IQCM: variants seen among roughly 807,000 people sequenced by gnomAD.
The protein encoded by IQCM is IQ motif containing M, also known as IQ domain-containing protein M.
Under a neutral mutation model 57.6 loss-of-function variants are expected in IQCM, and 45 were observed. The observed-to-expected ratio is 0.78, with a 90% confidence interval of 0.62 to 1.00. The LOEUF (loss-of-function observed/expected upper bound fraction) is 1.00, where lower values mean the gene tolerates loss of function less well. IQCM is among the 50% of genes least tolerant of loss of function. The pLI is 0.00. For synonymous variants in IQCM, 148 were observed against 158.9 expected, an observed-to-expected ratio of 0.93 and a Z score of 0.51; for missense variants, 468 against 511.6, an observed-to-expected ratio of 0.91 and a Z score of 0.82.
At chr4:149,433,991 T>C (rs995480675) in intron 12 of IQCM, among the ~76,000 whole-genome samples, 2 of 152,122 alleles carry the variant, frequency 1.3e-5, no homozygotes, top group African/African-American at 4.8e-5. Context: ...GGCTATGGTT[T>C]TTAAGAAAAT....
chr4:149,556,288 A>G (rs1749570017), intron 10 of IQCM, among the ~76,000 whole-genome samples: 1 of 151,212 alleles, frequency 6.6e-6, no homozygotes, highest in Admixed American at 6.6e-5. Context: ...TTTTTGCTTG[A>G]TATGGTCATG....
rs181823303 is a variant in IQCM at position 149,372,658 on chromosome 4, A to C, written c.1391-20592T>G. On this transcript the variant is annotated intron_variant, in intron 13 of 13. Transcript: ENST00000636793. The stretch of plus-strand genomic sequence containing the variant: ...TTCATTAAACTGAGCAATGCTTCAA[A>C]GTGAGGACTGTTTCTTAAGTTTTCC... 3.9e-5 allele frequency among the ~76,000 whole-genome samples: 6 copies of C among 152,264 alleles called. No individual in the cohort carries two copies. In the East Asian group the frequency reaches 1.2e-3, roughly 29 times the overall value.
chr4:149,633,674 T>C (rs1757483151), intron 7 of IQCM, among the ~76,000 whole-genome samples: 1 of 151,852 alleles, frequency 6.6e-6, no homozygotes, highest in African/African-American at 2.4e-5. Flanking sequence ...CAATCTACTT[T>C]ACTGGTCTTA....
intron 9 of IQCM, 29 bp from the exon 10 acceptor site, chr4:149,563,919 CATA>C: frequency 9.3e-7 from 1 of 1,072,930 alleles, no homozygotes; most frequent in Non-Finnish European, 1.2e-6. Flanking sequence ...TCTTATTATA[CATA>C]ATATGAAAAA....
At chr4:149,449,803 A>G (rs911601368) in intron 12 of IQCM, among the ~76,000 whole-genome samples, 8 of 151,896 alleles carry the variant, frequency 5.3e-5, no homozygotes, top group Non-Finnish European at 8.8e-5. Context: ...ACAGATTTCA[A>G]TGCAATCCCT....
chr4:149,387,344 A>C (rs1051180095), intron 13 of IQCM, among the ~76,000 whole-genome samples: 1 of 152,036 alleles, frequency 6.6e-6, no homozygotes, highest in Admixed American at 6.6e-5. Context: ...GGATTTCAAC[A>C]TATGAATTTT....
chr4:149,586,736 T>C (rs1270397252), intron 9 of IQCM, among the ~76,000 whole-genome samples: 1 of 151,788 alleles, frequency 6.6e-6, no homozygotes, highest in African/African-American at 2.4e-5. Context: ...ATCTGCTATA[T>C]GTAGAATTTT....
At chr4:149,811,678 T>C (rs1053719192) in intron 2 of IQCM, among the ~76,000 whole-genome samples, 1 of 152,166 alleles carries the variant, frequency 6.6e-6, no homozygotes, top group African/African-American at 2.4e-5. Context: ...GTGAACCCAC[T>C]TCAGTGCTCT....
In IQCM at chr4:149,503,597, T is replaced by C. The variant is rs200829228; in HGVS notation, c.1228+44858A>G. Among the ~76,000 whole-genome samples the C allele has an allele frequency of 4.6e-5, 7 of 152,288 alleles. No homozygotes were observed. The East Asian group carries it at 1.3e-3, about 29-fold the overall frequency. On this transcript the variant is annotated intron_variant, in intron 12 of 13. Coordinates refer to ENST00000636793, the MANE Select transcript of IQCM (RefSeq NM_001363507.2). ...GACTTACATTATCTGAATGCTAAGA[T>C]TCAGAATCTAGGATATAAGGTATTT...
chr4:149,697,868 A>G (rs974951383), intron 5 of IQCM, among the ~76,000 whole-genome samples: 5 of 152,254 alleles, frequency 3.3e-5, no homozygotes, highest in Non-Finnish European at 7.4e-5. Context: ...TACTTATTGC[A>G]TAAATGAATT....
chr4:149,367,608 A>T (rs191727327), intron 13 of IQCM, among the ~76,000 whole-genome samples: 1 of 152,188 alleles, frequency 6.6e-6, no homozygotes, highest in Non-Finnish European at 1.5e-5. Context: ...AACTAAAAAT[A>T]ATGCTACAAT....
chr4:149,597,951 A>G (rs924393853), intron 8 of IQCM, among the ~76,000 whole-genome samples: 6 of 152,212 alleles, frequency 3.9e-5, no homozygotes, highest in Non-Finnish European at 1.5e-5. Context: ...TAGAGTACAT[A>G]GACATATTAC....
chr4:149,621,885 G>A (rs149743828), intron 7 of IQCM, among the ~76,000 whole-genome samples: 4 of 152,012 alleles, frequency 2.6e-5, no homozygotes, highest in Admixed American at 2.6e-4. Context: ...TTAAAAAGAA[G>A]GAAATTCAGT....
intron 12 of IQCM, among the ~76,000 whole-genome samples, chr4:149,532,256 TTACCTAGTA>T (rs1746824236): frequency 6.6e-6 from 1 of 152,152 alleles, no homozygotes; most frequent in African/African-American, 2.4e-5. Context: ...AATATGTCTT[TTACCTAGTA>T]TACAAAGGCA....
chr4:149,532,328 C>A (rs1281482832), intron 12 of IQCM, among the ~76,000 whole-genome samples: 7 of 152,076 alleles, frequency 4.6e-5, no homozygotes, highest in Admixed American at 4.6e-4. Flanking sequence ...TACCAGGAGA[C>A]ACATTGGCAA....
At chr4:149,741,389 G>T (rs2149907907) in intron 3 of IQCM, among the ~76,000 whole-genome samples, 1 of 152,268 alleles carries the variant, frequency 6.6e-6, no homozygotes, top group South Asian at 2.1e-4. Context: ...CAGTGGTCAG[G>T]TTACTAAGGA....
At chr4:149,766,414 G>A (rs191151505) in intron 2 of IQCM, among the ~76,000 whole-genome samples, 7 of 152,132 alleles carry the variant, frequency 4.6e-5, no homozygotes, top group African/African-American at 1.7e-4. Context: ...TTTCCCAATT[G>A]ACCACTTGGA....
At chr4:149,587,461 T>C (rs984875347) in intron 9 of IQCM, among the ~76,000 whole-genome samples, 1 of 151,772 alleles carries the variant, frequency 6.6e-6, no homozygotes, top group African/African-American at 2.4e-5. Flanking sequence ...AATCAATGTT[T>C]TCAAAACAGT....
At chr4:149,744,006 C>T (rs564328508) in intron 2 of IQCM, among the ~76,000 whole-genome samples, 1 of 152,244 alleles carries the variant, frequency 6.6e-6, no homozygotes. Flanking sequence ...GTTCAGAATT[C>T]AAAACCTATT....
Sources: gnomAD v4.1 joint callset for allele counts (sites outside exome capture counted in the v4.1 genomes callset) on GRCh38, gnomAD v4.1.1 for gene constraint, MANE v1.5 for transcripts, NCBI Gene and HGNC (gene_info 2026-07-23, HGNC 2026-07-21) for gene names.